Variants in LOC400499 observed in about 807,000 individuals in gnomAD.
chr16:11,461,071 C>T, the LOC400499 span: 6 of 1,536,068 alleles, frequency 3.9e-6, no homozygotes, highest in Non-Finnish European at 5.2e-6. Context: ...CAGCTCGGCA[C>T]CCAGGGCGGC....
chr16:11,437,968 G>C, the LOC400499 span, among the ~76,000 whole-genome samples: 1 of 152,150 alleles, frequency 6.6e-6, no homozygotes, highest in Non-Finnish European at 1.5e-5. Context: ...TCGGGGGATC[G>C]ATCGCATGCG....
chr16:11,505,269 G>T, the LOC400499 span, among the ~76,000 whole-genome samples: 1 of 151,904 alleles, frequency 6.6e-6, no homozygotes, highest in African/African-American at 2.4e-5. Context: ...GGGAAGAAAT[G>T]CACCTTAGCA....
the LOC400499 span, among the ~76,000 whole-genome samples, chr16:11,457,813 G>A: frequency 1.3e-5 from 2 of 152,152 alleles, no homozygotes; most frequent in African/African-American, 2.4e-5. Context: ...TGTCTATACA[G>A]ACAATGGAGT....
At chr16:11,464,636 T>C in the LOC400499 span, among the ~76,000 whole-genome samples, 2 of 152,196 alleles carry the variant, frequency 1.3e-5, no homozygotes, top group African/African-American at 4.8e-5. Flanking sequence ...AGTTTCTTCA[T>C]CTTGTATTGG....
At chr16:11,429,935 C>T in the LOC400499 span, among the ~76,000 whole-genome samples, 3 of 152,200 alleles carry the variant, frequency 2.0e-5, no homozygotes, top group African/African-American at 7.2e-5. Context: ...CCAAGTATCT[C>T]ACCCCAGTTA....
chr16:11,448,649 C>T, the LOC400499 span, among the ~76,000 whole-genome samples: 1 of 152,136 alleles, frequency 6.6e-6, no homozygotes, highest in Non-Finnish European at 1.5e-5. Context: ...ATCCTTCAAG[C>T]CCAGACATTC....
chr16:11,382,938 AAATGAGAT>A, the LOC400499 span, among the ~76,000 whole-genome samples: 1 of 133,024 alleles, frequency 7.5e-6, no homozygotes, highest in African/African-American at 3.1e-5. Context: ...GGTAGTTCAT[AAATGAGAT>A]AATTGGCTCA....
chr16:11,438,112 C>A, the LOC400499 span, among the ~76,000 whole-genome samples: 8 of 152,168 alleles, frequency 5.3e-5, no homozygotes, highest in East Asian at 1.9e-4. Flanking sequence ...CATGCCCCCC[C>A]ACAATAGCAT....
chr16:11,400,060 G>GAAAAAAA, the LOC400499 span, among the ~76,000 whole-genome samples: 11 of 146,070 alleles, frequency 7.5e-5, no homozygotes, highest in African/African-American at 2.6e-4. Context: ...GCATTTAAAT[G>GAAAAAAA]AAAAAAAAAA....
chr16:11,389,377 G>A, the LOC400499 span, among the ~76,000 whole-genome samples: 1 of 152,076 alleles, frequency 6.6e-6, no homozygotes, highest in Non-Finnish European at 1.5e-5. Flanking sequence ...GTTTTTGTGT[G>A]TTAAAAAGAT....
chr16:11,460,905 GA>G, the LOC400499 span: 2 of 1,464,394 alleles, frequency 1.4e-6, no homozygotes, highest in African/African-American at 2.8e-5. Flanking sequence ...ACAGCCCTAG[GA>G]AACAGGGCAG....
At chr16:11,468,529 T>C in the LOC400499 span, among the ~76,000 whole-genome samples, 4 of 152,240 alleles carry the variant, frequency 2.6e-5, no homozygotes, top group South Asian at 2.1e-4. Flanking sequence ...TCTTGCTATG[T>C]TGCCCAGGTT....
At chr16:11,386,412 T>C in the LOC400499 span, among the ~76,000 whole-genome samples, 12 of 152,240 alleles carry the variant, frequency 7.9e-5, no homozygotes, top group African/African-American at 2.7e-4. Flanking sequence ...CACATGGAAC[T>C]TGAAGACCAG....
chr16:11,486,579 G>A, the LOC400499 span, among the ~76,000 whole-genome samples: 1 of 78,840 alleles, frequency 1.3e-5, no homozygotes, highest in African/African-American at 5.5e-5. Context: ...AATGGATGAT[G>A]GATGGGTGGA....
chr16:11,499,734 C>T, the LOC400499 span, among the ~76,000 whole-genome samples: 1 of 152,168 alleles, frequency 6.6e-6, no homozygotes, highest in Non-Finnish European at 1.5e-5. Context: ...CTGCCTGGCA[C>T]CAGCTGTGTC....
the LOC400499 span, chr16:11,472,346 C>A: frequency 1.3e-5 from 2 of 152,186 alleles, no homozygotes; most frequent in Non-Finnish European, 2.9e-5. Context: ...GCACGTGGCA[C>A]CACGCCTGGC....
the LOC400499 span, among the ~76,000 whole-genome samples, chr16:11,432,021 C>T: frequency 8.5e-5 from 13 of 152,276 alleles, no homozygotes; most frequent in East Asian, 3.9e-4. Context: ...AGCCTGAGAC[C>T]GCCATGATGT....
At chr16:11,466,464 T>C in the LOC400499 span, among the ~76,000 whole-genome samples, 1 of 152,138 alleles carries the variant, frequency 6.6e-6, no homozygotes, top group African/African-American at 2.4e-5. Context: ...CTTGGTTCAC[T>C]GCAACCTCCA....
chr16:11,404,760 AG>A, the LOC400499 span: 1 of 399,042 alleles, frequency 2.5e-6, no homozygotes, highest in Admixed American at 4.4e-5. Context: ...GCTCCCGGTG[AG>A]GGCCACCTCC....
Sources: allele counts gnomAD v4.1 joint callset (sites outside exome capture counted in the v4.1 genomes callset), GRCh38; gene constraint gnomAD v4.1.1; transcripts MANE v1.5.